GRK5: variants seen among roughly 807,000 people sequenced by gnomAD.
GRK5 encodes g protein-coupled receptor kinase GRK5.
In GRK5, 40 loss-of-function variants were observed where a neutral mutation model predicts 78.4. The ratio of observed to expected loss-of-function variants is 0.51; its 90% CI spans 0.40 to 0.66. GRK5 has a LOEUF of 0.66. Ranked by LOEUF, GRK5 falls within the 30% of genes least tolerant of loss-of-function variation. The probability of loss-of-function intolerance (pLI) is 0.00; values close to 1 mark genes in which losing one functional copy is unlikely to be tolerated. For synonymous variants in GRK5, 289 were observed against 296.8 expected (o/e 0.97, Z 0.27); for missense variants, 598 against 759.9 (o/e 0.79, Z 2.50).
intron 2 of GRK5, among the ~76,000 whole-genome samples, chr10:119,347,457 G>A (rs958646704): frequency 2.0e-5 from 3 of 152,220 alleles, no homozygotes; most frequent in African/African-American, 4.8e-5. Flanking sequence ...GCAAGTATGT[G>A]CGTGTTTGTG....
chr10:119,273,096 T>C (rs1054485597), intron 1 of GRK5, among the ~76,000 whole-genome samples: 1 of 152,202 alleles, frequency 6.6e-6, no homozygotes, highest in African/African-American at 2.4e-5. Flanking sequence ...TGCCTCGGAA[T>C]ATGAACAAAA....
intron 4 of GRK5, among the ~76,000 whole-genome samples, chr10:119,421,886 C>T (rs1043538111): frequency 6.6e-6 from 1 of 152,310 alleles, no homozygotes; most frequent in East Asian, 1.9e-4. Flanking sequence ...GAACAGAAAA[C>T]AAGCCACTGA....
At chr10:119,296,704 G>A (rs1850088279) in intron 1 of GRK5, among the ~76,000 whole-genome samples, 1 of 152,216 alleles carries the variant, frequency 6.6e-6, no homozygotes, top group Admixed American at 6.5e-5. Flanking sequence ...ATATTATGGA[G>A]TTTTTCCTCC....
chr10:119,312,512 T>C (rs1396026920), intron 1 of GRK5, among the ~76,000 whole-genome samples: 1 of 152,204 alleles, frequency 6.6e-6, no homozygotes, highest in Non-Finnish European at 1.5e-5. Flanking sequence ...ACAGCCATGC[T>C]CATTTGTCTA....
chr10:119,237,168 T>TG (rs750185775), intron 1 of GRK5, among the ~76,000 whole-genome samples: 8 of 151,082 alleles, frequency 5.3e-5, no homozygotes, highest in Non-Finnish European at 1.0e-4. Context: ...GTTCAAGTGA[T>TG]TCTCGTGTCT....
rs779058725 is a variant in GRK5 at position 119,369,102 on chromosome 10, C to G, written c.149-11713C>G. ...GGATAAAATGGTGAACTGGACCTTA[C>G]AGTTAATGCAGTGTTGGAATCACCT... On this transcript the variant is annotated intron_variant, in intron 2 of 15. Coordinates refer to ENST00000392870, the MANE Select transcript of GRK5 (RefSeq NM_005308.3). Among the ~76,000 whole-genome samples the G allele has an allele frequency of 8.5e-5, 13 of 152,260 alleles. No homozygotes were observed. The South Asian group carries it at 1.5e-3, about 17-fold the overall frequency.
intron 1 of GRK5, among the ~76,000 whole-genome samples, chr10:119,257,376 G>A (rs746309052): frequency 3.3e-5 from 5 of 152,178 alleles, no homozygotes; most frequent in African/African-American, 7.2e-5. Context: ...CTGGTGGCAC[G>A]CCTCAGTGAG....
At chr10:119,315,302 C>T (rs1434665202) in intron 1 of GRK5, among the ~76,000 whole-genome samples, 1 of 152,194 alleles carries the variant, frequency 6.6e-6, no homozygotes, top group African/African-American at 2.4e-5. Flanking sequence ...CACTCGGTGA[C>T]GCAGCCCCTG....
chr10:119,375,058 CT>C (rs1464383993), intron 2 of GRK5, among the ~76,000 whole-genome samples: 1 of 152,228 alleles, frequency 6.6e-6, no homozygotes, highest in Non-Finnish European at 1.5e-5. Flanking sequence ...CTTAACACTA[CT>C]TGCTGGTTCT....
In GRK5 at chr10:119,435,707, C is replaced by A. The variant is rs113444054; in HGVS notation, c.739-944C>A. Among the ~76,000 whole-genome samples, 721 of 152,356 alleles carry A rather than the reference C, an allele frequency of 4.7e-3. 5 individuals carry two copies. The highest frequency in any genetic ancestry group is 0.017 in the African/African-American group (694 of 41,584). The stretch of plus-strand genomic sequence containing the variant: ...TATCTTCTGAGCCCTTCAAACTCTT[C>A]CAACCTCTACCTGTTACCGGTTCCA... On this transcript the variant is annotated intron_variant, in intron 8 of 15. Coordinates refer to ENST00000392870, the MANE Select transcript of GRK5 (RefSeq NM_005308.3).
intron 4 of GRK5, among the ~76,000 whole-genome samples, chr10:119,417,708 G>A (rs142499301): frequency 2.8e-4 from 42 of 152,290 alleles, no homozygotes; most frequent in African/African-American, 1.0e-3. Flanking sequence ...GCATGATACG[G>A]TTTAGGGTCA....
intron 8 of GRK5, among the ~76,000 whole-genome samples, chr10:119,433,673 T>C (rs1287124218): frequency 6.6e-6 from 1 of 152,238 alleles, no homozygotes; most frequent in African/African-American, 2.4e-5. Context: ...GCACAGCCAG[T>C]TCCCAGCCTG....
intron 1 of GRK5, among the ~76,000 whole-genome samples, chr10:119,249,153 C>T (rs1369246031): frequency 2.0e-5 from 3 of 152,000 alleles, no homozygotes; most frequent in Non-Finnish European, 2.9e-5. Flanking sequence ...TGCCTGTAAT[C>T]CCAGCTACTC....
intron 3 of GRK5, among the ~76,000 whole-genome samples, chr10:119,394,166 TTGAG>T (rs1851942829): frequency 4.2e-5 from 1 of 23,778 alleles, no homozygotes; most frequent in Non-Finnish European, 8.6e-5. Flanking sequence ...GTGTGTGGGT[TTGAG>T]TGTGTGTGTG....
At position 119,238,035 on chromosome 10, in the gene GRK5, C is replaced by G. The variant is rs1192503432; in HGVS notation, c.52+30066C>G. On this transcript the variant is annotated intron_variant, in intron 1 of 15. Transcript: ENST00000392870. The surrounding 1 kb of genome is among the most constrained non-coding windows in gnomAD (Gnocchi z 4.7). ...CATTTCCTGTCTTTAAACTTACGAACTAAAGGGCTTGAGGGTGAGGGGGTG... is the reference window on the plus strand; with the variant it reads ...CATTTCCTGTCTTTAAACTTACGAAGTAAAGGGCTTGAGGGTGAGGGGGTG... Among the ~76,000 whole-genome samples, 1 of 152,124 alleles carries G rather than the reference C, an allele frequency of 6.6e-6. No individual in the cohort carries two copies. The highest frequency in any genetic ancestry group is 1.5e-5 in the Non-Finnish European group (1 of 68,030).
At chr10:119,420,366 CAA>C (rs1852547211) in intron 4 of GRK5, among the ~76,000 whole-genome samples, 2 of 142,834 alleles carry the variant, frequency 1.4e-5, no homozygotes, top group African/African-American at 5.0e-5. Flanking sequence ...AAAAAAAAAA[CAA>C]GAAGAAAGAA....
At chr10:119,295,040 A>T (rs1850055727) in intron 1 of GRK5, among the ~76,000 whole-genome samples, 1 of 152,004 alleles carries the variant, frequency 6.6e-6, no homozygotes, top group Non-Finnish European at 1.5e-5. Context: ...AATACAAAAA[A>T]TTAGCCGGGC....
chr10:119,294,396 G>T (rs889220236), intron 1 of GRK5, among the ~76,000 whole-genome samples: 3 of 152,168 alleles, frequency 2.0e-5, no homozygotes, highest in African/African-American at 7.2e-5. Context: ...TGAGGGGCTG[G>T]GTTGCAGGGA....
At chr10:119,268,494 A>C (rs1277338597) in intron 1 of GRK5, among the ~76,000 whole-genome samples, 1 of 152,222 alleles carries the variant, frequency 6.6e-6, no homozygotes, top group Non-Finnish European at 1.5e-5. Context: ...GGTGTGATTT[A>C]GTGGTTAAAT....
Sources: gnomAD v4.1 joint callset for allele counts (sites outside exome capture counted in the v4.1 genomes callset) on GRCh38, gnomAD v4.1.1 for gene constraint, Gnocchi (gnomAD v3.1) non-coding constraint, MANE v1.5 for transcripts, NCBI Gene and HGNC (gene_info 2026-07-23, HGNC 2026-07-21) for gene names.